The following LRRC37B variants were observed in gnomAD, a reference collection of about 807,000 sequenced individuals.
LRRC37B encodes leucine rich repeat containing 37B, also known as leucine-rich repeat-containing protein 37B.
LRRC37B carries 28 observed loss-of-function variants against 98.3 expected under a neutral mutation model. The ratio of observed to expected loss-of-function variants is 0.28; its 90% CI spans 0.21 to 0.39. The LOEUF is 0.39. Among genes scored for constraint, LRRC37B ranks in the 10% least tolerant of loss-of-function variants. LRRC37B has a pLI of 1.00. For missense variants in LRRC37B, 938 were observed against 1,182.7 expected (o/e 0.79, Z 3.03); for synonymous variants, 364 against 442.7 (o/e 0.82, Z 2.23).
intron 8 of LRRC37B, among the ~76,000 whole-genome samples, chr17:32,046,466 C>G (rs1231809433): frequency 6.6e-6 from 1 of 152,182 alleles, no homozygotes; most frequent in Non-Finnish European, 1.5e-5. Context: ...TTTATTAGCA[C>G]CAACTTCATG....
chr17:32,040,014 TC>T (rs1346397916), intron 7 of LRRC37B: 1 of 152,302 alleles, frequency 6.6e-6, no homozygotes, highest in African/African-American at 2.4e-5. Context: ...AAAAAAATGC[TC>T]TGATTTTCTG....
At chr17:32,022,448 A>C in exon 1 of LRRC37B, 1 of 1,612,902 alleles carries the variant, frequency 6.2e-7, no homozygotes, top group African/African-American at 1.3e-5. Flanking sequence ...CAGAGGTTAA[A>C]CCGTCTCCAA....
intron 7 of LRRC37B, chr17:32,040,262 C>T (rs1353284539): frequency 7.8e-6 from 2 of 257,792 alleles, no homozygotes; most frequent in Admixed American, 9.8e-5. Flanking sequence ...TAAAACAATC[C>T]TGCGAACAGA....
chr17:32,033,373 G>A (rs1195572840), intron 5 of LRRC37B, among the ~76,000 whole-genome samples: 4 of 151,242 alleles, frequency 2.6e-5, no homozygotes, highest in Admixed American at 1.3e-4. Flanking sequence ...GAAGGAGGGA[G>A]GGAGGGAAAT....
At chr17:32,016,366 T>C (rs1910648800), upstream of LRRC37B, among the ~76,000 whole-genome samples, 1 of 152,238 alleles carries the variant, frequency 6.6e-6, no homozygotes, top group Admixed American at 6.5e-5. Flanking sequence ...TGGTTCTCCG[T>C]TTTTCTTCAG....
exon 1 of LRRC37B, chr17:32,021,732 C>A: frequency 6.2e-7 from 1 of 1,614,224 alleles, no homozygotes; most frequent in South Asian, 1.1e-5. Context: ...GAAGAAAGAT[C>A]TAGCTGAACG....
upstream of LRRC37B, chr17:32,020,839 C>T (rs1881732287): frequency 1.4e-5 from 12 of 828,444 alleles, no homozygotes; most frequent in Middle Eastern, 3.8e-4. Flanking sequence ...TGCCGTGCCC[C>T]CACCCCACCC....
intron 1 of LRRC37B, among the ~76,000 whole-genome samples, chr17:32,014,670 G>A (rs59766224): frequency 0.026 from 4,005 of 152,206 alleles, 164 homozygotes; most frequent in African/African-American, 0.089. Flanking sequence ...GCACAAGTTA[G>A]AACCCTGGTG....
intron 1 of LRRC37B, among the ~76,000 whole-genome samples, chr17:32,023,164 C>G (rs1910853529): frequency 6.8e-6 from 1 of 146,190 alleles, no homozygotes; most frequent in Non-Finnish European, 1.5e-5. Flanking sequence ...TCTTGTTGCA[C>G]AGGCTGGAGT....
intron 2 of LRRC37B, 61 bp from the exon 6 acceptor site, chr17:32,027,708 C>T (rs528934119): frequency 7.3e-7 from 1 of 1,377,428 alleles, no homozygotes; most frequent in African/African-American, 1.4e-5. Flanking sequence ...AGGAGATAGT[C>T]CTGTGTAGCA....
In LRRC37B at chr17:32,021,183, C is replaced by T. The variant is rs373927634; in HGVS notation, c.118C>T (p.Leu40Phe). 3 of 1,613,308 alleles carry T rather than the reference C, an allele frequency of 1.9e-6. No homozygotes were observed. In the African/African-American group the frequency reaches 4.0e-5, roughly 22 times the overall value. Residue 40 changes from leucine to phenylalanine, a missense_variant, in exon 1 of 12, where the codon CTT becomes TTT. Leu to Phe is a conservative substitution (Grantham distance 22, BLOSUM62 0). Around this residue, in one of 2 missense-constraint regions of LRRC37B, gnomAD observed 610 missense variants for 625.6 expected, o/e 0.98. Transcript: ENST00000327564. ...GCGTTTCTGGGGCCCATGGCCCCTC[C>T]TTACGTGGCAACTATTGTCTTTACT...
At position 32,031,362 on chromosome 17, in the gene LRRC37B, A is replaced by G. The variant is rs756356089; in HGVS notation, c.1977-16A>G. On this transcript the variant is annotated splice_polypyrimidine_tract_variant and intron_variant, in intron 4 of 11. Transcript: ENST00000327564. ...AAATAATTTTTTTTTCCTTTGGCTT[A>G]TGTCTTTTTTTGTAGAAATCTGGGC... 6.2e-7 allele frequency: 1 copy of G among 1,608,254 alleles called. No homozygotes were observed. The highest frequency in any genetic ancestry group is 1.7e-5 in the Admixed American group (1 of 59,104).
At chr17:32,050,042 C>T (rs773479412) in exon 11 of LRRC37B, 5 of 1,587,866 alleles carry the variant, frequency 3.1e-6, no homozygotes, top group Admixed American at 3.4e-5. Context: ...TAAGAACAAA[C>T]TCATCTTCGC....
intron 7 of LRRC37B, among the ~76,000 whole-genome samples, chr17:32,037,617 A>G (rs1911283621): frequency 6.6e-6 from 1 of 152,220 alleles, no homozygotes; most frequent in South Asian, 2.1e-4. Context: ...TCACCTTTCT[A>G]CTGCTAGATG....
rs1010167323 is a variant in LRRC37B, at chr17:32,048,015, G to T, written c.2464+114G>T. On this transcript the variant is annotated intron_variant, in intron 9 of 11. Coordinates refer to ENST00000327564, the Ensembl canonical transcript of LRRC37B. ...AGAATCAATATTGTTACCGTTCACT[G>T]AACAGCTATTTTCAAATGTACAAGA... 1.9e-6 allele frequency: 3 copies of T among 1,570,192 alleles called. No individual in the cohort carries two copies. In the African/African-American group the frequency reaches 4.1e-5, roughly 21 times the overall value.
intron 9 of LRRC37B, 165 bp from the exon 13 acceptor site, chr17:32,048,937 A>G: frequency 1.5e-6 from 2 of 1,298,140 alleles, no homozygotes; most frequent in South Asian, 1.2e-5. Context: ...CACATCTCTG[A>G]AAACACAAAC....
upstream of LRRC37B, among the ~76,000 whole-genome samples, chr17:32,007,626 G>A (rs1253479375): frequency 6.6e-6 from 1 of 151,502 alleles, no homozygotes; most frequent in African/African-American, 2.4e-5. The surrounding 1 kb of genome is among the most constrained non-coding windows in gnomAD (Gnocchi z 4.1). Flanking sequence ...CGGCGGGGCA[G>A]GCCGACCAAG....
chr17:32,023,624 T>C (rs1243986807), intron 1 of LRRC37B, among the ~76,000 whole-genome samples: 1 of 152,218 alleles, frequency 6.6e-6, no homozygotes, highest in Admixed American at 6.5e-5. Flanking sequence ...TACCATTTCA[T>C]AGGATTGTTG....
intron 1 of LRRC37B, among the ~76,000 whole-genome samples, chr17:32,023,141 G>A (rs1417614395): frequency 2.5e-5 from 3 of 118,594 alleles, no homozygotes; most frequent in South Asian, 2.8e-4. Context: ...TTTTTTTTGA[G>A]ACAGAGTTTT....
Sources: gnomAD v4.1 joint callset for allele counts (sites outside exome capture counted in the v4.1 genomes callset) on GRCh38, gnomAD v4.1.1 for gene constraint, gnomAD v4.1.1 regional missense constraint, Gnocchi (gnomAD v3.1) non-coding constraint, MANE v1.5 for transcripts, NCBI Gene and HGNC (gene_info 2026-07-23, HGNC 2026-07-21) for gene names.